The following DMD variants were observed in gnomAD, a reference collection of about 807,000 sequenced individuals.
DMD encodes the protein dystrophin, also known as mutant dystrophin.
In DMD, 63 loss-of-function variants were observed where a neutral mutation model predicts 330.1. That is an observed-to-expected ratio of 0.19 (90% CI 0.16 to 0.24). The LOEUF is 0.24. Among genes scored for constraint, DMD ranks in the 10% least tolerant of loss-of-function variants. The pLI is 1.00. For synonymous variants in DMD, 1,223 were observed against 959.8 expected, an observed-to-expected ratio of 1.27 and a Z score of -5.07; for missense variants, 3,344 against 2,684.1, an observed-to-expected ratio of 1.25 and a Z score of -5.43.
At position 32,487,254 on chromosome X, in the gene DMD, G is replaced by A. The variant is rs372990208; in HGVS notation, c.2623-2155C>T. Among the ~76,000 whole-genome samples, 20 of 111,732 alleles carry A rather than the reference G, an allele frequency of 1.8e-4. 1 individual carries two copies. The highest frequency in any genetic ancestry group is 8.4e-4 in the East Asian group (3 of 3,553). On this transcript the variant is annotated intron_variant, in intron 20 of 78. Coordinates refer to ENST00000357033, the MANE Select transcript of DMD (RefSeq NM_004006.3). ...TTTCCAGTGAAGTTGGAATTGTTTCGTATTTAATACATATATAATTTGAAC... is the reference window on the plus strand; with the variant it reads ...TTTCCAGTGAAGTTGGAATTGTTTCATATTTAATACATATATAATTTGAAC...
At chrX:32,926,203 G>T (rs888818727) in intron 2 of DMD, among the ~76,000 whole-genome samples, 7 of 112,149 alleles carry the variant, frequency 6.2e-5, no homozygotes, top group African/African-American at 2.3e-4. Flanking sequence ...GGCACAGAAA[G>T]CCAAATAACA....
At chrX:32,730,619 A>T (rs1186856281) in intron 7 of DMD, among the ~76,000 whole-genome samples, 3 of 112,198 alleles carry the variant, frequency 2.7e-5, no homozygotes, top group Non-Finnish European at 5.6e-5. Flanking sequence ...TAAGACTAAA[A>T]GAAAGGACAG....
At chrX:33,096,014 A>G (rs1416582479) in intron 1 of DMD, among the ~76,000 whole-genome samples, 11 of 77,820 alleles carry the variant, frequency 1.4e-4, no homozygotes, top group South Asian at 8.4e-4. Context: ...TCGCTCTGTC[A>G]CCCAGGCTGG....
chrX:32,030,585 A>C (rs1294596344), intron 44 of DMD, among the ~76,000 whole-genome samples: 1 of 111,896 alleles, frequency 8.9e-6, no homozygotes, highest in Non-Finnish European at 1.9e-5. Flanking sequence ...GGATGATGTA[A>C]ATTTGGCATT....
chrX:31,301,556 C>A (rs751977904), intron 62 of DMD, among the ~76,000 whole-genome samples: 1 of 111,438 alleles, frequency 9.0e-6, no homozygotes, highest in South Asian at 3.8e-4. Context: ...AGTACAGCAA[C>A]GGAGAAATCT....
intron 61 of DMD, among the ~76,000 whole-genome samples, chrX:31,330,683 T>G (rs764551342): frequency 1.8e-5 from 2 of 112,332 alleles, no homozygotes; most frequent in South Asian, 7.4e-4. Context: ...CAAAATGTAT[T>G]TCTATCGTTT....
At chrX:32,084,849 C>A (rs754408184) in intron 44 of DMD, among the ~76,000 whole-genome samples, 3 of 110,964 alleles carry the variant, frequency 2.7e-5, no homozygotes, top group Non-Finnish European at 5.7e-5. Flanking sequence ...AATAACAGGG[C>A]CTTTGAGTAT....
rs1370400954 is a variant in DMD, at chrX:32,827,066, CA to C, written c.265-3680del. On this transcript the variant is annotated intron_variant, in intron 4 of 78. Coordinates refer to ENST00000357033, the MANE Select transcript of DMD (RefSeq NM_004006.3). ...TGGAACACACATCGCACCCCCCCCC[CA>C]CACACACACACACACAGCAGCAGCC... 5.4e-3 allele frequency among the ~76,000 whole-genome samples: 163 copies of C among 29,995 alleles called. 2 individuals carry two copies. Among genetic ancestry groups the C allele is most frequent in the Middle Eastern group, 0.012 (1 of 83 alleles). 26.0% of individuals were successfully genotyped at this position (29,995 alleles called of 115,157 possible). A position where few individuals can be genotyped will look rare whatever the true frequency, so the allele number is the denominator to read the frequency against.
At chrX:33,189,647 A>G (rs1182956173) in intron 1 of DMD, among the ~76,000 whole-genome samples, 2 of 111,016 alleles carry the variant, frequency 1.8e-5, no homozygotes, top group African/African-American at 6.6e-5. Flanking sequence ...GCCCGCACAT[A>G]GGAGCCTTTG....
Position 33,311,800 on chromosome X carries a change from C to T in DMD, c.7+27459G>A, listed in dbSNP as rs150140133. 6.8e-3 allele frequency among the ~76,000 whole-genome samples: 750 copies of T among 109,699 alleles called. 3 individuals carry two copies. The highest frequency in any genetic ancestry group is 0.011 in the Non-Finnish European group (588 of 52,605). The stretch of plus-strand genomic sequence containing the variant: ...ACATAAAAAAGCCATTTGCCAAGTG[C>T]CAAATGGTGCAGGGAGTTGGAAGTC... On this transcript the variant is annotated intron_variant, in intron 1 of 17. Transcript: ENST00000288447.
intron 21 of DMD, among the ~76,000 whole-genome samples, chrX:32,473,455 T>C (rs2040875287): frequency 9.0e-6 from 1 of 111,489 alleles, no homozygotes. Flanking sequence ...CACTGCAAAG[T>C]CCTGGTTTAT....
intron 54 of DMD, among the ~76,000 whole-genome samples, chrX:31,657,617 C>T (rs931775852): frequency 2.7e-5 from 3 of 111,736 alleles, no homozygotes; most frequent in African/African-American, 9.8e-5. Context: ...TATCATGAAT[C>T]CCAAAGTGAC....
intron 55 of DMD, among the ~76,000 whole-genome samples, chrX:31,590,539 T>G (rs768817718): frequency 7.2e-5 from 8 of 111,524 alleles, no homozygotes; most frequent in Non-Finnish European, 1.3e-4. Context: ...GCTCTTAATC[T>G]TCCATTAAAA....
chrX:32,245,529 T>C (rs1486032556), intron 43 of DMD, among the ~76,000 whole-genome samples: 1 of 90,919 alleles, frequency 1.1e-5, no homozygotes, highest in Non-Finnish European at 2.1e-5. Flanking sequence ...GGGGATGGCA[T>C]TGAATCTGTA....
chrX:32,645,237 A>T (rs1280149402), intron 9 of DMD, 85 bp from the exon 10 acceptor site: 2 of 1,026,458 alleles, frequency 1.9e-6, no homozygotes, highest in Admixed American at 2.3e-5. Context: ...CGAATGAAAT[A>T]TTTAAAATGC....
intron 53 of DMD, among the ~76,000 whole-genome samples, chrX:31,667,739 T>C (rs1026330918): frequency 1.8e-5 from 2 of 111,129 alleles, no homozygotes; most frequent in African/African-American, 6.5e-5. Flanking sequence ...AATGTGACTG[T>C]TACACATTGT....
chrX:32,505,680 T>A (rs1045299937), intron 18 of DMD, among the ~76,000 whole-genome samples: 3 of 112,371 alleles, frequency 2.7e-5, no homozygotes, highest in African/African-American at 9.7e-5. Context: ...AGGAGTCATA[T>A]GTCCACTCAA....
chrX:32,809,209 A>C (rs1054128558), intron 7 of DMD, among the ~76,000 whole-genome samples: 3 of 111,990 alleles, frequency 2.7e-5, no homozygotes, highest in African/African-American at 9.7e-5. Context: ...ATTTGGAGTC[A>C]ATGCACTCCA....
At chrX:31,874,562 T>C (rs2093940383) in intron 48 of DMD, among the ~76,000 whole-genome samples, 2 of 111,511 alleles carry the variant, frequency 1.8e-5, no homozygotes, top group African/African-American at 6.5e-5. Flanking sequence ...ACCTTATTTC[T>C]AGTAAATGCT....
Sources: gnomAD v4.1 joint callset for allele counts (sites outside exome capture counted in the v4.1 genomes callset) on GRCh38, gnomAD v4.1.1 for gene constraint, MANE v1.5 for transcripts, NCBI Gene and HGNC (gene_info 2026-07-23, HGNC 2026-07-21) for gene names.